SLC25A13: variants seen among roughly 807,000 people sequenced by gnomAD.
SLC25A13 encodes the protein solute carrier family 25 member 13, also known as electrogenic aspartate/glutamate antiporter SLC25A13, mitochondrial.
A neutral mutation model predicts 85.5 loss-of-function variants in SLC25A13; 70 were observed. The ratio of observed to expected loss-of-function variants is 0.82; its 90% CI spans 0.68 to 1.00. The LOEUF is 1.00. SLC25A13 is among the 50% of genes least tolerant of loss of function. The pLI is 0.00. For missense variants in SLC25A13, 765 were observed against 819.8 expected, an observed-to-expected ratio of 0.93 and a Z score of 0.82; for synonymous variants, 259 against 288.7, an observed-to-expected ratio of 0.90 and a Z score of 1.04.
Position 96,296,756 on chromosome 7 carries a change from C to G in SLC25A13, c.69+142G>C, listed in dbSNP as rs976402022. The G allele has an allele frequency of 1.2e-5, 9 of 767,784 alleles. No homozygotes were observed. In the African/African-American group the frequency reaches 1.2e-4, roughly 11 times the overall value. The allele number at this position is 767,784 out of a possible 1,614,324, so 47.6% of individuals were successfully genotyped here. ...TCAGCCTCCCAAAGTGCTGGGATTA[C>G]AGGCATGAGCCACCGTGCCGGGCTG... On this transcript the variant is annotated intron_variant, in intron 2 of 17. Transcript: ENST00000265631.
In SLC25A13 at chr7:96,166,751, A is replaced by C. The variant is rs1793764629; in HGVS notation, c.1311+3294T>G. On this transcript the variant is annotated intron_variant, in intron 13 of 17. Transcript: ENST00000265631. ...ATTCAGAGGTAATACATCAATTTTC[A>C]GAATCATTGGGAACCTAACTGGAAG... 2.0e-5 allele frequency among the ~76,000 whole-genome samples: 3 copies of C among 152,306 alleles called. No individual in the cohort carries two copies. In the South Asian group the frequency reaches 6.2e-4, roughly 32 times the overall value.
At position 96,312,475 on chromosome 7, in the gene SLC25A13, G is replaced by A. The variant is rs1033389463; in HGVS notation, c.15+9467C>T. Among the ~76,000 whole-genome samples the A allele has an allele frequency of 1.6e-4, 25 of 152,234 alleles. No homozygotes were observed. The East Asian group carries it at 2.7e-3, about 16-fold the overall frequency. On this transcript the variant is annotated intron_variant, in intron 1 of 17. Transcript: ENST00000265631. ...ATCTGACAAATGAGGTTATCAACAC[G>A]TTCCCTGCTACCTTGTAGATGATTA...
chr7:96,163,692 A>C (rs1793614394), intron 13 of SLC25A13, among the ~76,000 whole-genome samples: 1 of 152,138 alleles, frequency 6.6e-6, no homozygotes, highest in African/African-American at 2.4e-5. Context: ...TCATTTTTAG[A>C]ATAAAGATGC....
At chr7:96,273,516 G>A (rs1046078518) in intron 3 of SLC25A13, among the ~76,000 whole-genome samples, 2 of 152,166 alleles carry the variant, frequency 1.3e-5, no homozygotes, top group Non-Finnish European at 2.9e-5. Flanking sequence ...AATGTTCTTA[G>A]TCTCAGAAGA....
rs1481267968 is a variant in SLC25A13, at chr7:96,135,724, T to C, written c.1453-3843A>G. On this transcript the variant is annotated intron_variant, in intron 14 of 17. Transcript: ENST00000265631. ...CAAAGGGAAACATTCCATGCTGCCCTAGAGCCTGCATCAGCAACACAAAAA... is the reference window on the plus strand; with the variant it reads ...CAAAGGGAAACATTCCATGCTGCCCCAGAGCCTGCATCAGCAACACAAAAA... Among the ~76,000 whole-genome samples the C allele has an allele frequency of 2.0e-5, 3 of 152,168 alleles. No individual in the cohort carries two copies. In the East Asian group the frequency reaches 5.8e-4, roughly 29 times the overall value.
chr7:96,193,829 T>C (rs1794951987), intron 5 of SLC25A13, among the ~76,000 whole-genome samples: 4 of 152,186 alleles, frequency 2.6e-5, no homozygotes, highest in Admixed American at 2.6e-4. Context: ...CATAGAGCCA[T>C]ATGTCTTGAT....
At chr7:96,319,747 G>C (rs1403818592) in intron 1 of SLC25A13, among the ~76,000 whole-genome samples, 2 of 151,976 alleles carry the variant, frequency 1.3e-5, no homozygotes, top group Non-Finnish European at 2.9e-5. Flanking sequence ...ACTTGGAATT[G>C]ATTTTTATAT....
chr7:96,121,705 C>T lies in SLC25A13; in HGVS notation c.1791G>A (p.Leu597=). 1 of 1,614,072 alleles carries T rather than the reference C, an allele frequency of 6.2e-7. No individual in the cohort carries two copies. Among genetic ancestry groups the T allele is most frequent in the Non-Finnish European group, 8.5e-7 (1 of 1,180,018 alleles). The change falls in exon 17 of 18, where the codon TTG becomes TTA. Residue 597 remains leucine, a synonymous_variant. Transcript: ENST00000265631. ...FRSSPQFGVT[L]LTYELLQRWF... Reference sequence around the variant, plus strand: ...ATCGCTGTAGCAATTCGTAAGTCAGCAAAGTTACACCAAACTGGGGTGAGG... The same window carrying T: ...ATCGCTGTAGCAATTCGTAAGTCAGTAAAGTTACACCAAACTGGGGTGAGG...
intron 3 of SLC25A13, among the ~76,000 whole-genome samples, chr7:96,265,801 C>A (rs1243539176): frequency 6.6e-6 from 1 of 152,184 alleles, no homozygotes; most frequent in Admixed American, 6.5e-5. Flanking sequence ...ACAGAATTTA[C>A]TGCTCACAGT....
At chr7:96,299,869 A>T (rs1799488956) in intron 1 of SLC25A13, among the ~76,000 whole-genome samples, 1 of 152,204 alleles carries the variant, frequency 6.6e-6, no homozygotes, top group Non-Finnish European at 1.5e-5. Flanking sequence ...TGATTACTGT[A>T]GGCAACTGTA....
chr7:96,321,545 C>T (rs1027353069), intron 1 of SLC25A13, among the ~76,000 whole-genome samples: 15 of 152,200 alleles, frequency 9.9e-5, no homozygotes, highest in African/African-American at 2.7e-4. Flanking sequence ...AAGCCGGAGT[C>T]AACAACCAGC....
intron 3 of SLC25A13, among the ~76,000 whole-genome samples, chr7:96,242,426 CA>C (rs1294834732): frequency 3.9e-5 from 6 of 152,142 alleles, no homozygotes; most frequent in Non-Finnish European, 8.8e-5. Context: ...AGCTGTAAAC[CA>C]AAAATAAAAT....
Position 96,275,201 on chromosome 7 carries a change from G to A in SLC25A13, c.212+1995C>T, listed in dbSNP as rs182673983. On this transcript the variant is annotated intron_variant, in intron 3 of 17. Transcript: ENST00000265631. ...TCATTGAGCAGTGGTTTGTAGTTCA[G>A]TTAGAATGGCGATCATTAAAAAGTC... Among the ~76,000 whole-genome samples the A allele has an allele frequency of 1.1e-3, 162 of 152,132 alleles. 1 individual carries two copies. Among genetic ancestry groups the A allele is most frequent in the South Asian group, 5.4e-3 (26 of 4,818 alleles).
chr7:96,221,482 C>A (rs1796127722), intron 4 of SLC25A13, among the ~76,000 whole-genome samples: 1 of 152,138 alleles, frequency 6.6e-6, no homozygotes, highest in East Asian at 1.9e-4. Flanking sequence ...GAAGAACTTT[C>A]CCCAAGTAAC....
At chr7:96,240,252 T>C (rs1220993310) in intron 3 of SLC25A13, among the ~76,000 whole-genome samples, 1 of 152,094 alleles carries the variant, frequency 6.6e-6, no homozygotes, top group Non-Finnish European at 1.5e-5. Context: ...TACTGTCATG[T>C]TGAGTGAAAG....
chr7:96,184,266 G>A lies in SLC25A13; in HGVS notation c.1177+11C>T, dbSNP rs1794535008. ...ATTTCACCTAACAGGTATTGAGCAT[G>A]TGGCACTAACCTCTATACAGTCCAA... On this transcript the variant is annotated intron_variant, in intron 11 of 17. Transcript: ENST00000265631. 6.2e-7 allele frequency: 1 copy of A among 1,614,006 alleles called. No individual in the cohort carries two copies. Among genetic ancestry groups the A allele is most frequent in the Non-Finnish European group, 8.5e-7 (1 of 1,179,890 alleles).
At chr7:96,269,067 T>C (rs1180363650) in intron 3 of SLC25A13, among the ~76,000 whole-genome samples, 2 of 152,258 alleles carry the variant, frequency 1.3e-5, no homozygotes, top group Admixed American at 6.5e-5. Context: ...TGAATACCTG[T>C]CTGCTCCATT....
chr7:96,163,725 C>A (rs950731000), intron 13 of SLC25A13, among the ~76,000 whole-genome samples: 3 of 152,100 alleles, frequency 2.0e-5, no homozygotes, highest in Admixed American at 6.5e-5. Flanking sequence ...CAGAGGAAAT[C>A]AATCAGTAGA....
chr7:96,218,943 A>G (rs1265907923), intron 4 of SLC25A13, among the ~76,000 whole-genome samples: 1 of 152,208 alleles, frequency 6.6e-6, no homozygotes, highest in African/African-American at 2.4e-5. Flanking sequence ...TTCTACGGCC[A>G]TCATCTTTTA....
Sources: allele counts gnomAD v4.1 joint callset (sites outside exome capture counted in the v4.1 genomes callset), GRCh38; gene constraint gnomAD v4.1.1; transcripts MANE v1.5; gene names NCBI Gene and HGNC (gene_info 2026-07-23, HGNC 2026-07-21).